The following GLIS3 variants were observed in gnomAD, a reference collection of about 807,000 sequenced individuals.
The protein encoded by GLIS3 is zinc finger protein GLIS3.
Under a neutral mutation model 78.6 loss-of-function variants are expected in GLIS3, and 53 were observed. That is an observed-to-expected ratio of 0.67 (90% confidence interval 0.54 to 0.85). GLIS3 has a LOEUF of 0.85. GLIS3 is among the 40% of genes least tolerant of loss of function. GLIS3 has a pLI of 0.00. For synonymous variants in GLIS3, 684 were observed against 509.9 expected (o/e 1.34, Z -4.60); for missense variants, 1,703 against 1,231.1 (o/e 1.38, Z -5.74).
At chr9:4,374,489 C>T in the GLIS3 span, among the ~76,000 whole-genome samples, 6 of 152,264 alleles carry the variant, frequency 3.9e-5, no homozygotes, top group African/African-American at 1.4e-4. Context: ...AAGAGCCCCT[C>T]ACACAGGCTC....
intron 4 of GLIS3, among the ~76,000 whole-genome samples, chr9:4,074,930 A>C (rs1028278512): frequency 9.8e-5 from 15 of 152,294 alleles, no homozygotes; most frequent in Middle Eastern, 6.8e-3. Flanking sequence ...CAGAAACTGT[A>C]GTTCTCCTTT....
At chr9:3,852,636 G>A (rs562727070) in intron 9 of GLIS3, among the ~76,000 whole-genome samples, 16 of 152,256 alleles carry the variant, frequency 1.1e-4, no homozygotes, top group East Asian at 9.6e-4. Flanking sequence ...GATAAGAACC[G>A]CTAGAAATGT....
At chr9:3,980,285 A>T (rs566877880) in intron 4 of GLIS3, among the ~76,000 whole-genome samples, 33 of 152,312 alleles carry the variant, frequency 2.2e-4, no homozygotes, top group African/African-American at 7.5e-4. Flanking sequence ...CAAACAATGA[A>T]AGCTTCTGGT....
chr9:4,481,873 G>A, the GLIS3 span, among the ~76,000 whole-genome samples: 1 of 152,022 alleles, frequency 6.6e-6, no homozygotes, highest in Admixed American at 6.6e-5. Flanking sequence ...CTACCCGCAG[G>A]GTGTGACACT....
intron 4 of GLIS3, among the ~76,000 whole-genome samples, chr9:4,031,565 T>C (rs1042050546): frequency 2.0e-5 from 3 of 152,248 alleles, no homozygotes; most frequent in Admixed American, 2.0e-4. Context: ...ATATAAGTGA[T>C]GGTTGCACAA....
intron 2 of GLIS3, among the ~76,000 whole-genome samples, chr9:4,185,024 T>C (rs962319786): frequency 2.0e-5 from 3 of 152,208 alleles, no homozygotes; most frequent in African/African-American, 7.2e-5. Context: ...ACTTATCAAG[T>C]TGTATAACTA....
intron 4 of GLIS3, among the ~76,000 whole-genome samples, chr9:3,972,365 G>T (rs1818442968): frequency 6.6e-6 from 1 of 152,088 alleles, no homozygotes; most frequent in Non-Finnish European, 1.5e-5. Flanking sequence ...GTTATCTCTG[G>T]ATCCTATAAA....
chr9:3,851,321 C>T (rs1200712066), intron 9 of GLIS3, among the ~76,000 whole-genome samples: 4 of 152,218 alleles, frequency 2.6e-5, no homozygotes, highest in African/African-American at 7.2e-5. Flanking sequence ...TACATGATTG[C>T]AGAGTGTCCC....
intron 4 of GLIS3, among the ~76,000 whole-genome samples, chr9:3,959,116 T>C (rs958728248): frequency 6.6e-6 from 1 of 152,222 alleles, no homozygotes; most frequent in African/African-American, 2.4e-5. Flanking sequence ...TCTAAGGTGA[T>C]GGTATCAGGA....
chr9:4,263,646 C>G (rs560280150), intron 2 of GLIS3, among the ~76,000 whole-genome samples: 38 of 152,168 alleles, frequency 2.5e-4, no homozygotes, highest in Non-Finnish European at 3.8e-4. Context: ...GTGAAAAAGC[C>G]AGCCACAACA....
intron 1 of GLIS3, among the ~76,000 whole-genome samples, chr9:4,291,242 G>A (rs905648072): frequency 6.6e-6 from 1 of 152,072 alleles, no homozygotes; most frequent in Admixed American, 6.5e-5. Context: ...CGAAATAAAA[G>A]AGGTTTTATT....
At chr9:4,039,242 C>A (rs1020537281) in intron 4 of GLIS3, among the ~76,000 whole-genome samples, 2 of 152,132 alleles carry the variant, frequency 1.3e-5, no homozygotes, top group Non-Finnish European at 2.9e-5. Context: ...AAAGGTATTT[C>A]TGCATATATT....
At chr9:4,160,115 T>C (rs1420689000) in intron 2 of GLIS3, among the ~76,000 whole-genome samples, 1 of 152,204 alleles carries the variant, frequency 6.6e-6, no homozygotes, top group Non-Finnish European at 1.5e-5. Context: ...TAGAAATACT[T>C]TCCACTCCAC....
intron 10 of GLIS3, 30 bp downstream of exon 10, chr9:3,829,280 G>T (rs369089113): frequency 1.9e-6 from 3 of 1,607,728 alleles, no homozygotes; most frequent in Admixed American, 3.3e-5. Flanking sequence ...CAGTTGACAG[G>T]ATTTTCTAAG....
chr9:4,109,010 T>A (rs1830996646), intron 4 of GLIS3, among the ~76,000 whole-genome samples: 1 of 152,190 alleles, frequency 6.6e-6, no homozygotes, highest in South Asian at 2.1e-4. Context: ...TAGAGAGACA[T>A]GGGGTTCTAT....
the GLIS3 span, among the ~76,000 whole-genome samples, chr9:4,399,968 GGTGGGA>G: frequency 6.6e-6 from 1 of 152,188 alleles, no homozygotes; most frequent in Non-Finnish European, 1.5e-5. Context: ...AGAAATAGGA[GGTGGGA>G]GTGGGAGTGG....
At chr9:3,839,346 C>T (rs1818572126) in intron 9 of GLIS3, among the ~76,000 whole-genome samples, 1 of 152,134 alleles carries the variant, frequency 6.6e-6, no homozygotes, top group South Asian at 2.1e-4. Context: ...ATGAAAACAG[C>T]AATCACACAA....
intron 2 of GLIS3, among the ~76,000 whole-genome samples, chr9:4,246,133 T>C (rs1823780927): frequency 6.6e-6 from 1 of 152,108 alleles, no homozygotes; most frequent in African/African-American, 2.4e-5. Context: ...TCCCAGCACT[T>C]TGGGAGGCTG....
At chr9:4,127,532 A>T (rs772275372) in intron 2 of GLIS3, among the ~76,000 whole-genome samples, 2 of 152,182 alleles carry the variant, frequency 1.3e-5, no homozygotes, top group Non-Finnish European at 2.9e-5. Context: ...TCATCTTGAC[A>T]CCAAGAATAG....
Sources: allele counts gnomAD v4.1 joint callset (sites outside exome capture counted in the v4.1 genomes callset), GRCh38; gene constraint gnomAD v4.1.1; transcripts MANE v1.5; gene names NCBI Gene and HGNC (gene_info 2026-07-23, HGNC 2026-07-21).